The following DIP2B variants were observed in gnomAD, a reference collection of about 807,000 sequenced individuals.
DIP2B encodes the protein disco-interacting protein 2 homolog B.
Under a neutral mutation model 198.0 loss-of-function variants are expected in DIP2B, and 76 were observed. The ratio of observed to expected loss-of-function variants is 0.38; its 90% CI spans 0.32 to 0.46. DIP2B has a LOEUF of 0.46. Among genes scored for constraint, DIP2B ranks in the 20% least tolerant of loss-of-function variants. DIP2B has a pLI of 0.99. For missense variants in DIP2B, 1,559 were observed against 1,978.4 expected (o/e 0.79, Z 4.02); for synonymous variants, 701 against 739.1 (o/e 0.95, Z 0.84).
chr12:50,634,801 T>C (rs1453892320), intron 2 of DIP2B, among the ~76,000 whole-genome samples: 5 of 152,198 alleles, frequency 3.3e-5, no homozygotes, highest in Non-Finnish European at 7.3e-5. Context: ...GTGCCTGATA[T>C]ATAGTAGATG....
chr12:50,552,314 C>A (rs940559970), intron 1 of DIP2B, among the ~76,000 whole-genome samples: 3 of 150,896 alleles, frequency 2.0e-5, no homozygotes, highest in Admixed American at 1.3e-4. Flanking sequence ...GTCGCCCAGG[C>A]TGGAGTGCAA....
At chr12:50,614,584 G>T (rs148580471) in intron 1 of DIP2B, among the ~76,000 whole-genome samples, 78 of 152,300 alleles carry the variant, frequency 5.1e-4, no homozygotes, top group Non-Finnish European at 9.4e-4. Context: ...CCAACGTTGA[G>T]CTAAAGCAGT....
chr12:50,681,520 T>C (rs1172364156), intron 9 of DIP2B, among the ~76,000 whole-genome samples: 1 of 152,210 alleles, frequency 6.6e-6, no homozygotes. Context: ...TCATGTTACT[T>C]TTAAGAAAAA....
intron 1 of DIP2B, among the ~76,000 whole-genome samples, chr12:50,624,033 A>G (rs898765712): frequency 6.6e-6 from 1 of 152,246 alleles, no homozygotes; most frequent in Non-Finnish European, 1.5e-5. Context: ...ACAGTAGAGC[A>G]CAGGATACTC....
intron 1 of DIP2B, among the ~76,000 whole-genome samples, chr12:50,571,178 T>TA (rs1238827585): frequency 6.7e-6 from 1 of 150,214 alleles, no homozygotes; most frequent in Non-Finnish European, 1.5e-5. Context: ...CTCTTTTTTT[T>TA]TTTTTTTTTT....
At chr12:50,578,150 A>G (rs1593624520) in intron 1 of DIP2B, among the ~76,000 whole-genome samples, 1 of 151,448 alleles carries the variant, frequency 6.6e-6, no homozygotes, top group East Asian at 2.0e-4. Flanking sequence ...TAGCTGGGAC[A>G]CAGACGTGCA....
chr12:50,600,044 C>G (rs905938056), intron 1 of DIP2B, among the ~76,000 whole-genome samples: 2 of 152,176 alleles, frequency 1.3e-5, no homozygotes, highest in Non-Finnish European at 2.9e-5. Context: ...AATTAGTAAG[C>G]TACCTCAAAT....
At chr12:50,661,780 C>T (rs889040592) in intron 4 of DIP2B, among the ~76,000 whole-genome samples, 1 of 152,112 alleles carries the variant, frequency 6.6e-6, no homozygotes, top group Non-Finnish European at 1.5e-5. Context: ...CAGTAAATGG[C>T]AAAGGGTAGG....
chr12:50,723,436 T>A, intron 27 of DIP2B, 113 bp downstream of exon 27: 1 of 1,440,864 alleles, frequency 6.9e-7, no homozygotes. Context: ...AAATTTGTCT[T>A]CTGGAGACTA....
chr12:50,546,061 C>T (rs1958375057), intron 1 of DIP2B, among the ~76,000 whole-genome samples: 1 of 152,214 alleles, frequency 6.6e-6, no homozygotes, highest in South Asian at 2.1e-4. Flanking sequence ...CAGTGCCTGT[C>T]AACTTTGTTT....
At chr12:50,545,220 A>G (rs998723434) in intron 1 of DIP2B, among the ~76,000 whole-genome samples, 2 of 152,130 alleles carry the variant, frequency 1.3e-5, no homozygotes, top group Non-Finnish European at 2.9e-5. Flanking sequence ...CCAGTTTTCC[A>G]AAGTGTTTAT....
intron 1 of DIP2B, among the ~76,000 whole-genome samples, chr12:50,590,619 C>T (rs1329194685): frequency 4.6e-5 from 7 of 152,106 alleles, no homozygotes; most frequent in African/African-American, 1.2e-4. Flanking sequence ...CTACCCACCT[C>T]GGCCTCTCAA....
At chr12:50,611,729 C>T (rs1373831418) in intron 1 of DIP2B, among the ~76,000 whole-genome samples, 1 of 152,132 alleles carries the variant, frequency 6.6e-6, no homozygotes, top group Non-Finnish European at 1.5e-5. Context: ...CCACCATGTC[C>T]CCCAAAGCCA....
intron 1 of DIP2B, among the ~76,000 whole-genome samples, chr12:50,613,079 CT>C (rs1959045282): frequency 6.6e-6 from 1 of 152,210 alleles, no homozygotes; most frequent in Admixed American, 6.5e-5. Flanking sequence ...TCTTCCAACT[CT>C]TCATTCCTGT....
intron 1 of DIP2B, among the ~76,000 whole-genome samples, chr12:50,605,493 A>G (rs559131933): frequency 5.2e-4 from 79 of 152,208 alleles, no homozygotes; most frequent in African/African-American, 1.8e-3. Flanking sequence ...AGCCCAGAAG[A>G]TGGAGAATGC....
Position 50,513,873 on chromosome 12 carries a change from C to CAA in DIP2B, c.100+8648_100+8649dup, listed in dbSNP as rs58479646. Reference sequence around the variant, plus strand: ...TGGGAGATAGAGTGGGACTCCGTCTCAAAAAAAAAAAAAAAAGTGTTCTTG... The same window carrying CAA: ...TGGGAGATAGAGTGGGACTCCGTCTCAAAAAAAAAAAAAAAAAAGTGTTCTTG... On this transcript the variant is annotated intron_variant, in intron 1 of 37. Coordinates refer to ENST00000301180, the MANE Select transcript of DIP2B (RefSeq NM_173602.3). Among the ~76,000 whole-genome samples, 893 of 127,046 alleles carry CAA rather than the reference C, an allele frequency of 7.0e-3. 8 individuals carry two copies. The highest frequency in any genetic ancestry group is 0.01 in the Non-Finnish European group (620 of 60,322). The allele number at this position is 127,046 out of a possible 152,430, so 83.3% of individuals were successfully genotyped here. A position where few individuals can be genotyped will look rare whatever the true frequency, so the allele number is the denominator to read the frequency against.
At chr12:50,686,192 C>A (rs1939127581) in intron 11 of DIP2B, among the ~76,000 whole-genome samples, 2 of 152,092 alleles carry the variant, frequency 1.3e-5, no homozygotes, top group South Asian at 4.1e-4. Flanking sequence ...AATTTGAACC[C>A]AAATCTGTCT....
intron 2 of DIP2B, among the ~76,000 whole-genome samples, chr12:50,630,108 C>T (rs962464082): frequency 1.3e-4 from 19 of 151,924 alleles, no homozygotes; most frequent in African/African-American, 4.6e-4. Flanking sequence ...TGCCACCACG[C>T]CCAGCTAATT....
intron 25 of DIP2B, among the ~76,000 whole-genome samples, chr12:50,719,884 T>C (rs1939802813): frequency 6.8e-6 from 1 of 147,306 alleles, no homozygotes; most frequent in Non-Finnish European, 1.5e-5. Context: ...TTAAATATAA[T>C]AATATATATT....
Sources: gnomAD v4.1 joint callset for allele counts (sites outside exome capture counted in the v4.1 genomes callset) on GRCh38, gnomAD v4.1.1 for gene constraint, MANE v1.5 for transcripts, NCBI Gene and HGNC (gene_info 2026-07-23, HGNC 2026-07-21) for gene names.